ARL8B: variants seen among roughly 807,000 people sequenced by gnomAD.
The protein encoded by ARL8B is ARF like GTPase 8B, also known as ADP-ribosylation factor-like protein 8B.
ARL8B carries 9 observed loss-of-function variants against 30.6 expected under a neutral mutation model. That is an observed-to-expected ratio of 0.29 (90% CI 0.18 to 0.51). The LOEUF (loss-of-function observed/expected upper bound fraction) is 0.51, where lower values mean the gene tolerates loss of function less well. Among genes scored for constraint, ARL8B ranks in the 20% least tolerant of loss-of-function variants. The pLI is 0.97. For missense variants in ARL8B, 130 were observed against 227.2 expected, an observed-to-expected ratio of 0.57 and a Z score of 2.75; for synonymous variants, 74 against 76.0, an observed-to-expected ratio of 0.97 and a Z score of 0.14.
intron 1 of ARL8B, among the ~76,000 whole-genome samples, chr3:5,127,051 T>G (rs956436682): frequency 9.9e-5 from 15 of 152,228 alleles, no homozygotes; most frequent in African/African-American, 2.2e-4. Flanking sequence ...AGTTTATTAC[T>G]GCTGAGAATT....
chr3:5,175,550 C>G (rs1183856088), intron 6 of ARL8B, among the ~76,000 whole-genome samples: 1 of 152,070 alleles, frequency 6.6e-6, no homozygotes, highest in East Asian at 1.9e-4. Context: ...CCCAAAATAC[C>G]CTTCATTTAC....
In ARL8B at chr3:5,170,699, A is replaced by G. The variant is rs535269374; in HGVS notation, c.204+116A>G. ...TGCAGTTTTTCAGTAATGAATGTGCATGTTTCAAAAGAATAGGTTTTTTTG... is the reference window on the plus strand; with the variant it reads ...TGCAGTTTTTCAGTAATGAATGTGCGTGTTTCAAAAGAATAGGTTTTTTTG... On this transcript the variant is annotated intron_variant, in intron 2 of 6. Transcript: ENST00000256496. The G allele has an allele frequency of 2.1e-5, 14 of 660,196 alleles. No homozygotes were observed. In the South Asian group the frequency reaches 2.9e-4, roughly 14 times the overall value. The allele number at this position is 660,196 out of a possible 1,614,324, so 40.9% of individuals were successfully genotyped here.
At chr3:5,165,644 A>T (rs1312731750) in intron 1 of ARL8B, among the ~76,000 whole-genome samples, 1 of 152,132 alleles carries the variant, frequency 6.6e-6, no homozygotes, top group African/African-American at 2.4e-5. Context: ...TGATAACTAC[A>T]CCCTTAAAAA....
At chr3:5,133,830 G>A (rs1033347866) in intron 1 of ARL8B, among the ~76,000 whole-genome samples, 6 of 152,100 alleles carry the variant, frequency 3.9e-5, no homozygotes, top group Admixed American at 6.5e-5. Context: ...CCTAGCTGCC[G>A]GGGAGGCATA....
intron 4 of ARL8B, 50 bp downstream of exon 4, chr3:5,172,790 A>G (rs1206909798): frequency 9.3e-7 from 1 of 1,072,312 alleles, no homozygotes; most frequent in Non-Finnish European, 1.4e-6. Context: ...TAATGATATT[A>G]ATTATGGTAA....
chr3:5,165,335 C>T (rs1456866036), intron 1 of ARL8B, among the ~76,000 whole-genome samples: 2 of 152,068 alleles, frequency 1.3e-5, no homozygotes, highest in African/African-American at 2.4e-5. Flanking sequence ...ATACAGAAAG[C>T]ATAATACTAA....
intron 1 of ARL8B, among the ~76,000 whole-genome samples, chr3:5,131,438 T>TG (rs2054282931): frequency 6.6e-6 from 1 of 151,652 alleles, no homozygotes; most frequent in Non-Finnish European, 1.5e-5. Context: ...TCACCCAGGC[T>TG]GGAGTGCAGT....
At chr3:5,138,325 C>T (rs694802) in intron 1 of ARL8B, among the ~76,000 whole-genome samples, 6 of 151,858 alleles carry the variant, frequency 4.0e-5, no homozygotes, top group Non-Finnish European at 7.4e-5. Flanking sequence ...TAATGACTCT[C>T]GTTCATTTGC....
At chr3:5,176,322 C>T (rs1302700219) in intron 6 of ARL8B, among the ~76,000 whole-genome samples, 1 of 152,122 alleles carries the variant, frequency 6.6e-6, no homozygotes, top group African/African-American at 2.4e-5. Flanking sequence ...CCTCCACTTC[C>T]CGGGTTCAAG....
intron 1 of ARL8B, among the ~76,000 whole-genome samples, chr3:5,155,668 C>T (rs755093978): frequency 1.3e-5 from 1 of 75,914 alleles, no homozygotes; most frequent in African/African-American, 1.1e-4. Flanking sequence ...ATTCCCCGTG[C>T]CCCCCCACCC....
At chr3:5,135,896 C>G (rs2054321358) in intron 1 of ARL8B, among the ~76,000 whole-genome samples, 1 of 150,456 alleles carries the variant, frequency 6.6e-6, no homozygotes, top group Non-Finnish European at 1.5e-5. Context: ...ACGCGATTCT[C>G]CTGTCTCAGC....
intron 1 of ARL8B, among the ~76,000 whole-genome samples, chr3:5,131,436 G>A (rs1380847691): frequency 6.6e-6 from 1 of 151,098 alleles, no homozygotes; most frequent in African/African-American, 2.4e-5. Flanking sequence ...TGTCACCCAG[G>A]CTGGAGTGCA....
rs960131345 is a variant in ARL8B at position 5,148,183 on chromosome 3, G to A, written c.124-22320G>A. Among the ~76,000 whole-genome samples, 7 of 151,904 alleles carry A rather than the reference G, an allele frequency of 4.6e-5. No homozygotes were observed. In the South Asian group the frequency reaches 8.3e-4, roughly 18 times the overall value. On this transcript the variant is annotated intron_variant, in intron 1 of 6. Coordinates refer to ENST00000256496, the MANE Select transcript of ARL8B (RefSeq NM_018184.3). Reference sequence around the variant, plus strand: ...GTGTAAAAGCTGGGTCCTACGAATTGGTCCAGCTGGACTGCTAAACTGAGG... The same window carrying A: ...GTGTAAAAGCTGGGTCCTACGAATTAGTCCAGCTGGACTGCTAAACTGAGG...
intron 1 of ARL8B, among the ~76,000 whole-genome samples, chr3:5,127,873 A>AG: frequency 1.1e-5 from 1 of 89,368 alleles, no homozygotes; most frequent in Non-Finnish European, 2.4e-5. Flanking sequence ...ACTCCGTCTC[A>AG]AAAAAAAAAA....
At chr3:5,161,922 C>T (rs1046121578) in intron 1 of ARL8B, among the ~76,000 whole-genome samples, 1 of 152,138 alleles carries the variant, frequency 6.6e-6, no homozygotes, top group Admixed American at 6.5e-5. Flanking sequence ...CCTAGTTTCT[C>T]TTCTTTTTAT....
chr3:5,124,547 C>T (rs541875535), intron 1 of ARL8B, among the ~76,000 whole-genome samples: 17 of 152,178 alleles, frequency 1.1e-4, no homozygotes, highest in African/African-American at 4.1e-4. Flanking sequence ...CTCACTGCAG[C>T]CTCCAACTCC....
At chr3:5,144,787 G>A (rs906297321) in intron 1 of ARL8B, among the ~76,000 whole-genome samples, 5 of 152,144 alleles carry the variant, frequency 3.3e-5, no homozygotes, top group African/African-American at 1.2e-4. Flanking sequence ...TGCGAACTAT[G>A]GCAACCTCTG....
intron 1 of ARL8B, among the ~76,000 whole-genome samples, chr3:5,144,690 C>T (rs1054870328): frequency 6.6e-6 from 1 of 152,250 alleles, no homozygotes; most frequent in Non-Finnish European, 1.5e-5. Context: ...AGTCTAATTT[C>T]TTCCTCCAGG....
At chr3:5,124,221 G>A (rs2054209119) in intron 1 of ARL8B, among the ~76,000 whole-genome samples, 1 of 150,350 alleles carries the variant, frequency 6.7e-6, no homozygotes, top group African/African-American at 2.4e-5. Flanking sequence ...CTTTCCGCAG[G>A]AATAGAAGAG....
Sources: gnomAD v4.1 joint callset for allele counts (sites outside exome capture counted in the v4.1 genomes callset) on GRCh38, gnomAD v4.1.1 for gene constraint, MANE v1.5 for transcripts, NCBI Gene and HGNC (gene_info 2026-07-23, HGNC 2026-07-21) for gene names.